The following TCF7L1 variants were observed in gnomAD, a reference collection of about 807,000 sequenced individuals.
TCF7L1 encodes transcription factor 7-like 1.
TCF7L1 carries 18 observed loss-of-function variants against 63.7 expected under a neutral mutation model. The ratio of observed to expected loss-of-function variants is 0.28; its 90% CI spans 0.20 to 0.42. The LOEUF is 0.42. TCF7L1 is among the 10% of genes least tolerant of loss of function. The pLI, the probability that TCF7L1 is intolerant of heterozygous loss-of-function variation, is 1.00. For missense variants in TCF7L1, 654 were observed against 779.3 expected (o/e 0.84, Z 1.91); for synonymous variants, 355 against 340.9 (o/e 1.04, Z -0.46).
At chr2:85,307,580 G>A in intron 10 of TCF7L1, 62 bp from the exon 11 acceptor site, 2 of 1,400,740 alleles carry the variant, frequency 1.4e-6, no homozygotes, top group East Asian at 2.3e-5. Context: ...TGATCTGGGA[G>A]CCCCTGAGAA....
chr2:85,223,399 C>CT (rs915105741), intron 3 of TCF7L1, among the ~76,000 whole-genome samples: 1 of 152,150 alleles, frequency 6.6e-6, no homozygotes, highest in Non-Finnish European at 1.5e-5. Context: ...TTTTATTCAC[C>CT]TGGCAGAATC....
intron 3 of TCF7L1, chr2:85,233,872 C>T (rs1573002486): frequency 6.6e-6 from 1 of 152,154 alleles, no homozygotes; most frequent in Non-Finnish European, 1.5e-5. Flanking sequence ...ACTTGAAATT[C>T]ATCCACATTG....
chr2:85,301,956 T>C (rs951341244), intron 4 of TCF7L1, among the ~76,000 whole-genome samples: 1 of 152,064 alleles, frequency 6.6e-6, no homozygotes, highest in Admixed American at 6.5e-5. Context: ...TGAAACCCTA[T>C]CTGTACTAAA....
chr2:85,157,353 A>G (rs759311474), intron 3 of TCF7L1, among the ~76,000 whole-genome samples: 1 of 152,210 alleles, frequency 6.6e-6, no homozygotes, highest in Non-Finnish European at 1.5e-5. Flanking sequence ...TCCCAGAGGA[A>G]TATTGCATGC....
intron 4 of TCF7L1, among the ~76,000 whole-genome samples, chr2:85,285,935 TA>T (rs1385002607): frequency 2.6e-5 from 4 of 152,204 alleles, no homozygotes; most frequent in Non-Finnish European, 5.9e-5. Context: ...CTCACGCCTG[TA>T]ATCCCAGCAC....
intron 3 of TCF7L1, among the ~76,000 whole-genome samples, chr2:85,218,048 T>A (rs183878267): frequency 2.9e-4 from 44 of 152,268 alleles, no homozygotes; most frequent in Non-Finnish European, 5.3e-4. Flanking sequence ...CTCCCGTGCC[T>A]AGAAGAATGC....
intron 3 of TCF7L1, among the ~76,000 whole-genome samples, chr2:85,279,605 G>A (rs1450442919): frequency 1.3e-5 from 2 of 152,142 alleles, no homozygotes; most frequent in Non-Finnish European, 2.9e-5. Flanking sequence ...GAGTTGTGAT[G>A]CAGAGGCCGT....
In TCF7L1 at chr2:85,305,366, G is replaced by A. The variant is rs576179810; in HGVS notation, c.952G>A (p.Glu318Lys). 4.3e-6 allele frequency: 7 copies of A among 1,613,680 alleles called. No homozygotes were observed. In the South Asian group the frequency reaches 6.6e-5, roughly 15 times the overall value. Residue 318 changes from glutamate to lysine, a missense_variant, in exon 8 of 12, where the codon GAA becomes AAA. Glu to Lys is a moderately conservative substitution (Grantham distance 56, BLOSUM62 1). Coordinates refer to ENST00000282111, the MANE Select transcript of TCF7L1 (RefSeq NM_031283.3). The stretch of plus-strand genomic sequence containing the variant: ...CATCGTCTCCCCCATCGTCAAGCAG[G>A]AACCGGCACCCCCCAGCCTGAGCCC... The part of the protein sequence containing the change: ...PAIVSPIVKQ[E>K]PAPPSLSPAV...
chr2:85,257,950 A>AC (rs1335762461), intron 3 of TCF7L1, among the ~76,000 whole-genome samples: 2 of 152,220 alleles, frequency 1.3e-5, no homozygotes, highest in Non-Finnish European at 2.9e-5. Flanking sequence ...GAGACTCAGT[A>AC]TAACAGTCAA....
chr2:85,158,958 T>G (rs1320028000), intron 3 of TCF7L1, among the ~76,000 whole-genome samples: 1 of 152,226 alleles, frequency 6.6e-6, no homozygotes, highest in East Asian at 1.9e-4. Flanking sequence ...TAAATCTACC[T>G]GCATTTCCAT....
chr2:85,207,666 C>T (rs1410465020), intron 3 of TCF7L1, among the ~76,000 whole-genome samples: 2 of 151,298 alleles, frequency 1.3e-5, no homozygotes, highest in African/African-American at 4.9e-5. Context: ...AGAGATGGCC[C>T]CTAACTTATG....
intron 3 of TCF7L1, among the ~76,000 whole-genome samples, chr2:85,246,540 AC>A (rs1680468094): frequency 6.6e-6 from 1 of 152,250 alleles, no homozygotes; most frequent in Non-Finnish European, 1.5e-5. Flanking sequence ...TATTTAATAG[AC>A]AGTGAGTTGA....
At chr2:85,155,369 C>A (rs1302412740) in intron 3 of TCF7L1, among the ~76,000 whole-genome samples, 2 of 152,208 alleles carry the variant, frequency 1.3e-5, no homozygotes, top group Non-Finnish European at 2.9e-5. Flanking sequence ...AAGCTTTGTT[C>A]TTTCGGTCTT....
Position 85,203,042 on chromosome 2 carries a change from A to G in TCF7L1, c.441+68592A>G, listed in dbSNP as rs561948532. Among the ~76,000 whole-genome samples the G allele has an allele frequency of 4.6e-5, 7 of 152,178 alleles. No individual in the cohort carries two copies. The East Asian group carries it at 1.2e-3, about 25-fold the overall frequency. ...GGTAGAGACGGGGTTTCACCATGTT[A>G]GCCAGGATGGTCTTGATCTCCTGAC... On this transcript the variant is annotated intron_variant, in intron 3 of 11. Transcript: ENST00000282111.
chr2:85,232,987 TGCA>T (rs1680116975), intron 3 of TCF7L1: 1 of 152,196 alleles, frequency 6.6e-6, no homozygotes, highest in Admixed American at 6.5e-5. Context: ...CAGGCTAGAG[TGCA>T]GCGAAATCAC....
chr2:85,178,843 G>A (rs2104247031), intron 3 of TCF7L1, among the ~76,000 whole-genome samples: 1 of 152,266 alleles, frequency 6.6e-6, no homozygotes, highest in Non-Finnish European at 1.5e-5. Context: ...GTGTCTCAAG[G>A]TGGGGGTCAC....
intron 3 of TCF7L1, among the ~76,000 whole-genome samples, chr2:85,177,921 C>T (rs1160310731): frequency 1.3e-5 from 2 of 152,048 alleles, no homozygotes; most frequent in Non-Finnish European, 2.9e-5. Flanking sequence ...AAGATGAAGA[C>T]GACAGAACAC....
chr2:85,196,794 A>T (rs1233967079), intron 3 of TCF7L1, among the ~76,000 whole-genome samples: 1 of 152,304 alleles, frequency 6.6e-6, no homozygotes, highest in Non-Finnish European at 1.5e-5. Flanking sequence ...GAATTTATAC[A>T]TGGGAAACCA....
chr2:85,262,335 A>G, intron 3 of TCF7L1: 1 of 521,254 alleles, frequency 1.9e-6, no homozygotes, highest in Admixed American at 2.1e-5. Context: ...CACAAAGAGC[A>G]CACCCGCACG....
Sources: gnomAD v4.1 joint callset for allele counts (sites outside exome capture counted in the v4.1 genomes callset) on GRCh38, gnomAD v4.1.1 for gene constraint, MANE v1.5 for transcripts, NCBI Gene and HGNC (gene_info 2026-07-23, HGNC 2026-07-21) for gene names.